The following APBA1 variants were observed in gnomAD, a reference collection of about 807,000 sequenced individuals.
APBA1 encodes amyloid-beta A4 precursor protein-binding family A member 1.
In APBA1, 55 loss-of-function variants were observed where a neutral mutation model predicts 86.6. That is an observed-to-expected ratio of 0.64 (90% CI 0.51 to 0.80). APBA1 has a LOEUF of 0.80. APBA1 is among the 30% of genes least tolerant of loss of function. APBA1 has a pLI of 0.00. For missense variants in APBA1, 1,090 were observed against 1,183.0 expected, an observed-to-expected ratio of 0.92 and a Z score of 1.15; for synonymous variants, 511 against 493.9, an observed-to-expected ratio of 1.03 and a Z score of -0.46.
intron 1 of APBA1, among the ~76,000 whole-genome samples, chr9:69,576,492 G>A (rs2133952650): frequency 6.6e-6 from 1 of 152,334 alleles, no homozygotes; most frequent in African/African-American, 2.4e-5. Context: ...TTAAGAAAAT[G>A]TGGCACATAT....
chr9:69,542,387 T>C (rs1185525639), intron 1 of APBA1, among the ~76,000 whole-genome samples: 1 of 152,256 alleles, frequency 6.6e-6, no homozygotes, highest in Non-Finnish European at 1.5e-5. Context: ...ATAGTTTCAC[T>C]GCCCTGGTTT....
intron 1 of APBA1, among the ~76,000 whole-genome samples, chr9:69,653,990 C>T (rs1823558456): frequency 6.6e-6 from 1 of 151,884 alleles, no homozygotes; most frequent in Non-Finnish European, 1.5e-5. Context: ...GCCTGCATGC[C>T]TGTAATCCTG....
At chr9:69,454,306 G>A (rs1272175785) in intron 8 of APBA1, among the ~76,000 whole-genome samples, 1 of 152,174 alleles carries the variant, frequency 6.6e-6, no homozygotes, top group Non-Finnish European at 1.5e-5. Context: ...GCATCAGAGA[G>A]GTACATGCAG....
chr9:69,473,613 C>T (rs1835397753), intron 3 of APBA1, among the ~76,000 whole-genome samples: 1 of 152,096 alleles, frequency 6.6e-6, no homozygotes, highest in African/African-American at 2.4e-5. Flanking sequence ...AAGAGCTACA[C>T]CAACATGGCA....
chr9:69,589,252 G>A (rs548037508), intron 1 of APBA1, among the ~76,000 whole-genome samples: 8 of 152,276 alleles, frequency 5.3e-5, no homozygotes, highest in African/African-American at 1.2e-4. Context: ...CACTGCTCCC[G>A]GTGTGTCTCA....
chr9:69,627,596 C>G (rs1822959076), intron 1 of APBA1, among the ~76,000 whole-genome samples: 1 of 152,024 alleles, frequency 6.6e-6, no homozygotes, highest in South Asian at 2.1e-4. Context: ...TAACAAGAAA[C>G]CAAGTGGAAA....
intron 1 of APBA1, among the ~76,000 whole-genome samples, chr9:69,632,125 A>G (rs995299562): frequency 6.6e-6 from 1 of 152,108 alleles, no homozygotes; most frequent in Non-Finnish European, 1.5e-5. Context: ...TAACACAGGA[A>G]AGAAAAATAA....
intron 1 of APBA1, among the ~76,000 whole-genome samples, chr9:69,532,362 G>A (rs1043254025): frequency 3.3e-5 from 5 of 152,240 alleles, no homozygotes; most frequent in Non-Finnish European, 4.4e-5. Flanking sequence ...GCCACAAGTT[G>A]GCCACTGTCC....
intron 1 of APBA1, among the ~76,000 whole-genome samples, chr9:69,568,917 T>C (rs1341286239): frequency 1.3e-5 from 2 of 152,186 alleles, no homozygotes; most frequent in Non-Finnish European, 2.9e-5. Context: ...CTAAGCTTTT[T>C]AGAGGTATAC....
At chr9:69,523,598 C>T (rs1191476596) in intron 1 of APBA1, among the ~76,000 whole-genome samples, 2 of 147,434 alleles carry the variant, frequency 1.4e-5, no homozygotes, top group Admixed American at 1.4e-4. Flanking sequence ...TTCTTCTAGA[C>T]CTATGAAAAG....
chr9:69,658,275 T>TC (rs1491117452), intron 1 of APBA1, among the ~76,000 whole-genome samples: 1 of 58,478 alleles, frequency 1.7e-5, no homozygotes, highest in African/African-American at 5.2e-5. Context: ...TTTCTTTCTT[T>TC]CTTTCTTTCT....
At chr9:69,520,507 C>T (rs141876648) in intron 1 of APBA1, among the ~76,000 whole-genome samples, 157 of 152,208 alleles carry the variant, frequency 1.0e-3, no homozygotes, top group African/African-American at 3.5e-3. Flanking sequence ...AAATATTAAG[C>T]GCTAATATTT....
intron 1 of APBA1, among the ~76,000 whole-genome samples, chr9:69,544,735 C>T (rs1404546449): frequency 6.6e-6 from 1 of 152,140 alleles, no homozygotes; most frequent in Non-Finnish European, 1.5e-5. Context: ...ATTTTAAGAG[C>T]TTCTACAACA....
intron 1 of APBA1, among the ~76,000 whole-genome samples, chr9:69,576,582 C>A (rs1821801961): frequency 6.6e-6 from 1 of 152,164 alleles, no homozygotes; most frequent in African/African-American, 2.4e-5. Flanking sequence ...TGGAAACCAT[C>A]ATTCTCAGCA....
chr9:69,669,427 G>A (rs1823905173), intron 1 of APBA1, among the ~76,000 whole-genome samples: 1 of 152,132 alleles, frequency 6.6e-6, no homozygotes. Flanking sequence ...GAAAAGCACT[G>A]ATGCTACTTT....
At chr9:69,497,305 A>T (rs917545178) in intron 2 of APBA1, among the ~76,000 whole-genome samples, 2 of 152,090 alleles carry the variant, frequency 1.3e-5, no homozygotes, top group African/African-American at 4.8e-5. Flanking sequence ...CCAAGCACTG[A>T]GATGCCAGCC....
chr9:69,551,869 G>C (rs1298422588), intron 1 of APBA1, among the ~76,000 whole-genome samples: 1 of 152,148 alleles, frequency 6.6e-6, no homozygotes, highest in African/African-American at 2.4e-5. Context: ...ACAGTTGCAG[G>C]CTTTCTCTTT....
chr9:69,567,973 C>A (rs546535420), intron 1 of APBA1, among the ~76,000 whole-genome samples: 5 of 152,300 alleles, frequency 3.3e-5, no homozygotes, highest in Admixed American at 3.3e-4. Flanking sequence ...CAGACTTCAT[C>A]CCCAGAAAAC....
At chr9:69,536,146 T>A (rs1416134609) in intron 1 of APBA1, among the ~76,000 whole-genome samples, 1 of 152,018 alleles carries the variant, frequency 6.6e-6, no homozygotes, top group Non-Finnish European at 1.5e-5. Context: ...CTCTTATTCA[T>A]AATCATTAGG....
Sources: allele counts gnomAD v4.1 joint callset (sites outside exome capture counted in the v4.1 genomes callset), GRCh38; gene constraint gnomAD v4.1.1; transcripts MANE v1.5; gene names NCBI Gene and HGNC (gene_info 2026-07-23, HGNC 2026-07-21).